Variants in TBX15 observed in about 807,000 individuals in gnomAD.
TBX15 encodes the protein T-box transcription factor TBX15.
In TBX15, 18 loss-of-function variants were observed where a neutral mutation model predicts 53.9. The observed-to-expected ratio is 0.33, with a 90% CI of 0.23 to 0.49. The LOEUF (loss-of-function observed/expected upper bound fraction) is 0.49. Among genes scored for constraint, TBX15 ranks in the 20% least tolerant of loss-of-function variants. The pLI is 0.98. For synonymous variants in TBX15, 295 were observed against 278.0 expected, an observed-to-expected ratio of 1.06 and a Z score of -0.61; for missense variants, 692 against 749.5, an observed-to-expected ratio of 0.92 and a Z score of 0.90.
At chr1:118,948,816 C>G (rs904310492) in intron 1 of TBX15, among the ~76,000 whole-genome samples, 1 of 152,196 alleles carries the variant, frequency 6.6e-6, no homozygotes, top group Admixed American at 6.5e-5. Flanking sequence ...GATTACACAT[C>G]TGAATTCAGT....
chr1:118,951,842 T>A (rs757945422), intron 1 of TBX15, among the ~76,000 whole-genome samples: 9 of 152,220 alleles, frequency 5.9e-5, no homozygotes, highest in Non-Finnish European at 1.2e-4. Flanking sequence ...GTCTCTTCCC[T>A]GTGCCATCCC....
At chr1:118,887,671 CA>C (rs200343289) in intron 7 of TBX15, among the ~76,000 whole-genome samples, 8,348 of 90,006 alleles carry the variant, frequency 0.093, 681 homozygotes, top group African/African-American at 0.25. Context: ...GCAAAACTCT[CA>C]AAAAAAAAAA....
intron 5 of TBX15, among the ~76,000 whole-genome samples, chr1:118,921,056 G>C (rs895952792): frequency 1.1e-5 from 1 of 90,480 alleles, no homozygotes; most frequent in Non-Finnish European, 2.6e-5. Context: ...ACCCGCCTGT[G>C]GTCCCAGCTA....
chr1:118,946,969 T>A (rs892811900), intron 1 of TBX15, among the ~76,000 whole-genome samples: 26 of 152,366 alleles, frequency 1.7e-4, no homozygotes, highest in African/African-American at 5.5e-4. Flanking sequence ...TCTCCTTATG[T>A]GTGCCAAAAG....
At chr1:118,913,920 A>T (rs1474593115) in intron 6 of TBX15, among the ~76,000 whole-genome samples, 195 bp downstream of exon 6, 2 of 152,322 alleles carry the variant, frequency 1.3e-5, no homozygotes, top group Admixed American at 1.3e-4. Flanking sequence ...AGCATGAGGG[A>T]TTTGATCTGG....
chr1:118,987,473 T>A, intron 1 of TBX15, 118 bp downstream of exon 1: 5 of 1,255,094 alleles, frequency 4.0e-6, no homozygotes, highest in Non-Finnish European at 5.4e-6. Flanking sequence ...AACAGAAACC[T>A]ATGTTGGGGC....
At chr1:118,914,029 A>T in intron 6 of TBX15, 86 bp downstream of exon 6, 4 of 1,420,882 alleles carry the variant, frequency 2.8e-6, no homozygotes, top group Non-Finnish European at 4.0e-6. Flanking sequence ...GTGTTTTCTA[A>T]AAGGCAGGAG....
intron 1 of TBX15, among the ~76,000 whole-genome samples, chr1:118,974,652 G>T (rs767256693): frequency 7.2e-5 from 11 of 152,316 alleles, no homozygotes; most frequent in Non-Finnish European, 1.5e-4. Flanking sequence ...GAGTAATGGA[G>T]CACAGGGTGT....
At position 118,933,678 on chromosome 1, in the gene TBX15, C is replaced by T. The variant is rs188160132; in HGVS notation, c.206-1846G>A. On this transcript the variant is annotated intron_variant, in intron 1 of 7. Coordinates refer to ENST00000369429, the MANE Select transcript of TBX15 (RefSeq NM_001330677.2). Reference sequence around the variant, plus strand: ...AGCAGAGCCATTATATCATCACACACTCAGCCAAACACACTAATTCATGTC... The same window carrying T: ...AGCAGAGCCATTATATCATCACACATTCAGCCAAACACACTAATTCATGTC... Among the ~76,000 whole-genome samples the T allele has an allele frequency of 2.0e-5, 3 of 152,246 alleles. No homozygotes were observed. The East Asian group carries it at 5.8e-4, about 29-fold the overall frequency.
intron 2 of TBX15, among the ~76,000 whole-genome samples, chr1:118,929,764 C>G (rs188403813): frequency 6.6e-6 from 1 of 151,856 alleles, no homozygotes; most frequent in Non-Finnish European, 1.5e-5. Flanking sequence ...CAGGGAATAA[C>G]GAAGTGATAT....
chr1:118,982,178 T>C (rs142735945), intron 1 of TBX15, among the ~76,000 whole-genome samples: 117 of 152,280 alleles, frequency 7.7e-4, no homozygotes, highest in African/African-American at 2.7e-3. Context: ...CTGCCCTTTA[T>C]CCCTGTGGAA....
chr1:118,900,409 A>C (rs17022713), intron 6 of TBX15, among the ~76,000 whole-genome samples: 1 of 152,172 alleles, frequency 6.6e-6, no homozygotes, highest in Non-Finnish European at 1.5e-5. Context: ...TTTACTTATC[A>C]ACAACTATAG....
At chr1:118,933,783 T>A (rs1655879077) in intron 1 of TBX15, among the ~76,000 whole-genome samples, 1 of 152,084 alleles carries the variant, frequency 6.6e-6, no homozygotes, top group Non-Finnish European at 1.5e-5. Context: ...ATACTGTAAA[T>A]TTTTCAAAAA....
At position 118,884,077 on chromosome 1, in the gene TBX15, A is replaced by C. The variant is rs1653829577; in HGVS notation, c.*655T>G. ...AGTTCAAAAGCAATCTTTTTCCGGA[A>C]GCCAAGTCCAGTTGTACTGATGTCT... On this transcript the variant is annotated 3_prime_UTR_variant, in exon 8 of 8. Transcript: ENST00000369429. 6.5e-6 allele frequency: 1 copy of C among 153,242 alleles called. No individual in the cohort carries two copies. The highest frequency in any genetic ancestry group is 1.5e-5 in the Non-Finnish European group (1 of 68,560). 9.5% of individuals were successfully genotyped at this position (153,242 alleles called of 1,614,324 possible). A position where few individuals can be genotyped will look rare whatever the true frequency, so the allele number is the denominator to read the frequency against.
At chr1:118,888,929 TG>T (rs1654041043) in intron 7 of TBX15, among the ~76,000 whole-genome samples, 1 of 146,710 alleles carries the variant, frequency 6.8e-6, no homozygotes, top group African/African-American at 2.5e-5. Context: ...AAAAAAAAGG[TG>T]GGGGGTGGAA....
At chr1:118,946,825 G>T (rs949545703) in intron 1 of TBX15, among the ~76,000 whole-genome samples, 3 of 152,180 alleles carry the variant, frequency 2.0e-5, no homozygotes, top group African/African-American at 7.2e-5. Flanking sequence ...GAAAGTAGAT[G>T]AATTATAAAT....
intron 3 of TBX15, 110 bp from the exon 4 acceptor site, chr1:118,924,927 T>C (rs1473678002): frequency 8.5e-7 from 1 of 1,175,712 alleles, no homozygotes; most frequent in Non-Finnish European, 1.3e-6. Context: ...AGAGATTACA[T>C]GAATGGAGAA....
chr1:118,918,048 A>G (rs754901209), intron 5 of TBX15, among the ~76,000 whole-genome samples: 3 of 152,108 alleles, frequency 2.0e-5, no homozygotes, highest in Non-Finnish European at 4.4e-5. Flanking sequence ...TGAAATGCTC[A>G]TTTCTCTACT....
intron 1 of TBX15, among the ~76,000 whole-genome samples, chr1:118,984,695 A>G (rs1359470971): frequency 6.6e-6 from 1 of 152,180 alleles, no homozygotes; most frequent in African/African-American, 2.4e-5. Context: ...CGGCGTAGGT[A>G]TGACAGTGAG....
Sources: allele counts gnomAD v4.1 joint callset (sites outside exome capture counted in the v4.1 genomes callset), GRCh38; gene constraint gnomAD v4.1.1; transcripts MANE v1.5; gene names NCBI Gene and HGNC (gene_info 2026-07-23, HGNC 2026-07-21).